The following TRIO variants were observed in gnomAD, a reference collection of about 807,000 sequenced individuals.
TRIO encodes triple functional domain protein.
Under a neutral mutation model 351.9 loss-of-function variants are expected in TRIO, and 58 were observed. The ratio of observed to expected loss-of-function variants is 0.16; its 90% confidence interval spans 0.13 to 0.21. The LOEUF (loss-of-function observed/expected upper bound fraction) is 0.21, where lower values mean the gene tolerates loss of function less well. TRIO is among the 10% of genes least tolerant of loss of function. TRIO has a pLI of 1.00. For synonymous variants in TRIO, 1,758 were observed against 1,595.7 expected (o/e 1.10, Z -2.42); for missense variants, 3,201 against 4,027.8 (o/e 0.79, Z 5.56).
chr5:14,419,889 G>A lies in TRIO; in HGVS notation c.5071G>A (p.Asp1691Asn), dbSNP rs1749970757. The A allele has an allele frequency of 1.9e-6, 3 of 1,614,028 alleles. No homozygotes were observed. The highest frequency in any genetic ancestry group is 1.3e-5 in the African/African-American group (1 of 74,934). Reference protein sequence around the residue: ...QTVEVLERPHDKPDWCLVRTT... With the variant: ...QTVEVLERPHNKPDWCLVRTT... Reference sequence around the variant, plus strand: ...CGTGGAAGTTCTGGAGCGGCCGCATGACAAGCCTGACTGGTGTCTGGTGCG... The same window carrying A: ...CGTGGAAGTTCTGGAGCGGCCGCATAACAAGCCTGACTGGTGTCTGGTGCG... The change falls in exon 34 of 57, where the codon GAC (aspartate) becomes AAC (asparagine). Residue 1691 changes from aspartate (D) to asparagine (N), a missense_variant. Coordinates refer to ENST00000344204, the MANE Select transcript of TRIO (RefSeq NM_007118.4).
At chr5:14,161,213 C>A (rs1788433883) in intron 1 of TRIO, among the ~76,000 whole-genome samples, 1 of 152,122 alleles carries the variant, frequency 6.6e-6, no homozygotes, top group South Asian at 2.1e-4. Flanking sequence ...CTCAAACACA[C>A]ATTTCTTAGT....
rs771243216 is a variant in TRIO, at chr5:14,504,448, G to A, written c.8467G>A (p.Ala2823Thr). The change falls in exon 55 of 57, where the codon GCC becomes ACC. Residue 2823 changes from alanine (A) to threonine (T), a missense_variant. Ala to Thr is a moderately conservative substitution (Grantham distance 58). Around this residue, in one of 19 missense-constraint regions of TRIO, gnomAD observed 1,089 missense variants for 954.9 expected, o/e 1.14. Transcript: ENST00000344204. ...TCAGAAAGGAACCAAGCGAGCAGTG[G>A]CCACTAAGTTTGTGAACAAGAAGTT... The part of the protein sequence containing the change: ...CDQKGTKRAV[A>T]TKFVNKKLMK... The A allele has an allele frequency of 6.2e-7, 1 of 1,614,188 alleles. No homozygotes were observed. Among genetic ancestry groups the A allele is most frequent in the Non-Finnish European group, 8.5e-7 (1 of 1,180,026 alleles).
At chr5:14,259,112 G>C (rs1455518264) in intron 1 of TRIO, among the ~76,000 whole-genome samples, 1 of 152,218 alleles carries the variant, frequency 6.6e-6, no homozygotes, top group Non-Finnish European at 1.5e-5. Context: ...GGGTCCTGGA[G>C]GGTCCTCACG....
At chr5:14,173,126 C>G (rs1420484963) in intron 1 of TRIO, among the ~76,000 whole-genome samples, 1 of 150,986 alleles carries the variant, frequency 6.6e-6, no homozygotes, top group Admixed American at 6.6e-5. Flanking sequence ...CAGACCTCTT[C>G]CTCTAGGAGG....
chr5:14,416,592 T>G (rs1749663649), intron 33 of TRIO, among the ~76,000 whole-genome samples: 1 of 152,248 alleles, frequency 6.6e-6, no homozygotes, highest in South Asian at 2.1e-4. Context: ...TATGATTCTT[T>G]GGCAGAACAT....
intron 1 of TRIO, among the ~76,000 whole-genome samples, chr5:14,190,000 G>A (rs1041813802): frequency 3.9e-5 from 6 of 152,290 alleles, no homozygotes; most frequent in African/African-American, 1.2e-4. Flanking sequence ...GGGATTACAG[G>A]TGTGAGCTAC....
chr5:14,479,567 A>T (rs1242083908), intron 42 of TRIO, among the ~76,000 whole-genome samples: 1 of 152,222 alleles, frequency 6.6e-6, no homozygotes, highest in African/African-American at 2.4e-5. Flanking sequence ...GACTGCAGTC[A>T]TTGTTAAAAA....
At chr5:14,472,789 C>A (rs754211963) in intron 39 of TRIO, 131 bp downstream of exon 39, 3 of 959,210 alleles carry the variant, frequency 3.1e-6, no homozygotes, top group Admixed American at 3.0e-5. Flanking sequence ...AAGTGACCAA[C>A]GATGTATTTC....
intron 8 of TRIO, 23 bp downstream of exon 8, chr5:14,304,615 A>C (rs984762016): frequency 6.3e-7 from 1 of 1,598,982 alleles, no homozygotes; most frequent in East Asian, 2.2e-5. Context: ...TTTTACTTAC[A>C]TTGCAAAGCA....
chr5:14,177,931 G>A (rs33030), intron 1 of TRIO, among the ~76,000 whole-genome samples: 9,737 of 152,212 alleles, frequency 0.064, 427 homozygotes, highest in African/African-American at 0.12. Flanking sequence ...TGCACTGCAA[G>A]TATTTTATCA....
chr5:14,293,104 G>A lies in TRIO; in HGVS notation c.1146G>A (p.Thr382=), dbSNP rs757144671. 95 of 1,614,064 alleles carry A rather than the reference G, an allele frequency of 5.9e-5. No individual in the cohort carries two copies. Among genetic ancestry groups the A allele is most frequent in the Non-Finnish European group, 7.4e-5 (87 of 1,180,012 alleles). Residue 382 remains threonine, a synonymous_variant, in exon 6 of 57, where the codon ACG becomes ACA. Coordinates refer to ENST00000344204, the MANE Select transcript of TRIO (RefSeq NM_007118.4). ...ACCCTCATGCCATGGAGCTTCAGAC[G>A]CAGCACAATCACTTTGCCATGAACT... The part of the protein sequence containing the change: ...TSHPHAMELQ[T]QHNHFAMNCM...
chr5:14,482,765 A>G lies in TRIO; in HGVS notation c.6649A>G (p.Ser2217Gly). The change falls in exon 46 of 57, where the codon AGT becomes GGT. Residue 2217 changes from serine (S) to glycine (G), a missense_variant. Coordinates refer to ENST00000344204, the MANE Select transcript of TRIO (RefSeq NM_007118.4). ...FSMPGFLFKNSIKVSCLCLEE... is the reference protein window; with the variant it reads ...FSMPGFLFKNGIKVSCLCLEE... ...CATGCCGGGATTCCTGTTTAAGAACAGTATCAAGGTAACGTGTGTCTCTGT... is the reference window on the plus strand; with the variant it reads ...CATGCCGGGATTCCTGTTTAAGAACGGTATCAAGGTAACGTGTGTCTCTGT... 2 of 1,591,512 alleles carry G rather than the reference A, an allele frequency of 1.3e-6. No individual in the cohort carries two copies. The highest frequency in any genetic ancestry group is 8.6e-7 in the Non-Finnish European group (1 of 1,165,758).
intron 9 of TRIO, among the ~76,000 whole-genome samples, chr5:14,324,582 T>C (rs948355264): frequency 7.2e-5 from 11 of 152,226 alleles, no homozygotes; most frequent in African/African-American, 2.7e-4. Context: ...TTTAGAAATA[T>C]TTTAAAGACA....
At chr5:14,442,988 G>A (rs1266663219) in intron 34 of TRIO, among the ~76,000 whole-genome samples, 1 of 152,180 alleles carries the variant, frequency 6.6e-6, no homozygotes, top group South Asian at 2.1e-4. Context: ...AAGAGTAATG[G>A]ATCTTAAGAC....
chr5:14,488,494 C>A (rs1485904273), intron 48 of TRIO: 4 of 584,016 alleles, frequency 6.8e-6, no homozygotes, highest in Non-Finnish European at 8.7e-6. Context: ...ACCTTCTCAA[C>A]GCAGCGTCTT....
At chr5:14,351,749 C>A (rs1025939806) in intron 11 of TRIO, among the ~76,000 whole-genome samples, 2 of 152,236 alleles carry the variant, frequency 1.3e-5, no homozygotes, top group Admixed American at 1.3e-4. Context: ...TCCTTCCATA[C>A]CCCACCTCCA....
intron 13 of TRIO, among the ~76,000 whole-genome samples, chr5:14,362,852 A>G (rs1306643567): frequency 1.3e-5 from 2 of 152,154 alleles, no homozygotes; most frequent in Middle Eastern, 3.2e-3. Flanking sequence ...ATCATTGCTT[A>G]TGAGAATGTG....
chr5:14,246,759 C>T (rs189105001), intron 1 of TRIO, among the ~76,000 whole-genome samples: 1 of 152,218 alleles, frequency 6.6e-6, no homozygotes, highest in Non-Finnish European at 1.5e-5. Flanking sequence ...ACTCTTTTGA[C>T]TCAGCCATTC....
Position 14,346,984 on chromosome 5 carries a change from G to A in TRIO, c.2046+10257G>A, listed in dbSNP as rs1038625092. Among the ~76,000 whole-genome samples, 5 of 152,234 alleles carry A rather than the reference G, an allele frequency of 3.3e-5. No homozygotes were observed. In the East Asian group the frequency reaches 7.7e-4, roughly 23 times the overall value. On this transcript the variant is annotated intron_variant, in intron 11 of 56. Coordinates refer to ENST00000344204, the MANE Select transcript of TRIO (RefSeq NM_007118.4). ...GTCTGGAGCCACAGTTAGATCAGAC[G>A]TGCTGACTGACAAAGGTAGTGGTGG...
Sources: gnomAD v4.1 joint callset for allele counts (sites outside exome capture counted in the v4.1 genomes callset) on GRCh38, gnomAD v4.1.1 for gene constraint, gnomAD v4.1.1 regional missense constraint, MANE v1.5 for transcripts, NCBI Gene and HGNC (gene_info 2026-07-23, HGNC 2026-07-21) for gene names.